The following FMN1 variants were observed in gnomAD, a reference collection of about 807,000 sequenced individuals.
FMN1 encodes formin 1.
A neutral mutation model predicts 132.4 loss-of-function variants in FMN1; 110 were observed. The observed-to-expected ratio is 0.83, with a 90% confidence interval of 0.71 to 0.97. FMN1 has a LOEUF of 0.97. FMN1 is among the 50% of genes least tolerant of loss of function. The probability of loss-of-function intolerance (pLI) is 0.00; values close to 1 mark genes in which losing one functional copy is unlikely to be tolerated. For missense variants in FMN1, 1,792 were observed against 1,705.3 expected (o/e 1.05, Z -0.90); for synonymous variants, 722 against 651.7 (o/e 1.11, Z -1.64).
In FMN1 at chr15:32,790,195, C is replaced by T. The variant is rs555770777; in HGVS notation, c.4130+8609G>A. On this transcript the variant is annotated intron_variant, in intron 19 of 20. Coordinates refer to ENST00000616417, the MANE Select transcript of FMN1 (RefSeq NM_001277313.2). The stretch of plus-strand genomic sequence containing the variant: ...CCAGGAATAACACTGCATGATTCCT[C>T]CAAACGCATGTTCAGTCACCCAGGT... Among the ~76,000 whole-genome samples, 4 of 152,314 alleles carry T rather than the reference C, an allele frequency of 2.6e-5. No individual in the cohort carries two copies. The East Asian group carries it at 5.8e-4, about 22-fold the overall frequency.
At chr15:32,900,187 T>A in intron 13 of FMN1, 62 bp from the exon 14 acceptor site, 1 of 1,564,996 alleles carries the variant, frequency 6.4e-7, no homozygotes, top group Non-Finnish European at 8.8e-7. Flanking sequence ...GTTCATTCAG[T>A]AACAAATATC....
chr15:32,915,471 C>T (rs936738939), intron 10 of FMN1, among the ~76,000 whole-genome samples: 1 of 152,316 alleles, frequency 6.6e-6, no homozygotes, highest in African/African-American at 2.4e-5. Context: ...CTATTTTCGG[C>T]GTCACCCAAG....
At chr15:32,867,813 C>G (rs1186302891) in intron 16 of FMN1, among the ~76,000 whole-genome samples, 1 of 152,172 alleles carries the variant, frequency 6.6e-6, no homozygotes. Context: ...TTTCCACCTT[C>G]CATTCTGTGA....
chr15:32,908,692 TCAA>T, intron 11 of FMN1, 114 bp from the exon 12 acceptor site: 1 of 638,068 alleles, frequency 1.6e-6, no homozygotes, highest in East Asian at 2.8e-5. Flanking sequence ...ACTAGCAGCA[TCAA>T]CAACATCACC....
At chr15:33,141,551 G>A (rs903154551) in intron 4 of FMN1, among the ~76,000 whole-genome samples, 1 of 152,210 alleles carries the variant, frequency 6.6e-6, no homozygotes, top group African/African-American at 2.4e-5. Flanking sequence ...ATGGGAAAGT[G>A]AGGGAAGCAG....
chr15:32,887,011 C>CAT (rs10669956), intron 16 of FMN1, among the ~76,000 whole-genome samples: 12,205 of 152,106 alleles, frequency 0.08, 999 homozygotes, highest in African/African-American at 0.21. Flanking sequence ...AAAAAACCCA[C>CAT]GTTCCTTTAA....
intron 4 of FMN1, among the ~76,000 whole-genome samples, chr15:33,137,976 C>G (rs1963844875): frequency 6.6e-6 from 1 of 152,190 alleles, no homozygotes; most frequent in Non-Finnish European, 1.5e-5. Context: ...CCATTGCTTC[C>G]TCTGTAAGAT....
intron 10 of FMN1, among the ~76,000 whole-genome samples, chr15:32,919,908 A>C (rs919404761): frequency 6.6e-6 from 1 of 152,232 alleles, no homozygotes; most frequent in Non-Finnish European, 1.5e-5. Flanking sequence ...TTAGACTCTG[A>C]GCACATAGCT....
chr15:32,937,626 A>G (rs1474843078), intron 9 of FMN1, among the ~76,000 whole-genome samples: 2 of 152,240 alleles, frequency 1.3e-5, no homozygotes, highest in Non-Finnish European at 2.9e-5. Flanking sequence ...AGAGAAGACA[A>G]AAGTGGCTGG....
intron 19 of FMN1, among the ~76,000 whole-genome samples, chr15:32,785,927 C>T (rs900776173): frequency 4.6e-5 from 7 of 152,084 alleles, no homozygotes; most frequent in African/African-American, 1.7e-4. Context: ...GAGATCTGAC[C>T]AGCTATAATA....
chr15:32,968,595 T>C, intron 8 of FMN1, 119 bp downstream of exon 8: 4 of 1,433,666 alleles, frequency 2.8e-6, no homozygotes, highest in African/African-American at 1.4e-5. Context: ...AAGCATTCAC[T>C]GTATCACACT....
chr15:32,802,342 C>A (rs770014246), intron 18 of FMN1, among the ~76,000 whole-genome samples: 4 of 152,206 alleles, frequency 2.6e-5, no homozygotes, highest in Non-Finnish European at 4.4e-5. Flanking sequence ...CGGAACACAT[C>A]CACTTATTGT....
chr15:33,173,169 A>G (rs544360317), intron 3 of FMN1, among the ~76,000 whole-genome samples: 1 of 152,330 alleles, frequency 6.6e-6, no homozygotes, highest in Non-Finnish European at 1.5e-5. Context: ...TTATAGGTTT[A>G]TTACACAACT....
chr15:32,885,277 G>C (rs1484456055), intron 16 of FMN1, among the ~76,000 whole-genome samples: 1 of 152,170 alleles, frequency 6.6e-6, no homozygotes, highest in African/African-American at 2.4e-5. Context: ...GTGTGGTTTT[G>C]GGAGTGTGTG....
intron 4 of FMN1, among the ~76,000 whole-genome samples, chr15:33,113,930 G>T (rs1487954592): frequency 6.6e-6 from 1 of 152,182 alleles, no homozygotes; most frequent in African/African-American, 2.4e-5. Flanking sequence ...ACCCACAAGT[G>T]TGGGAAACCA....
intron 2 of FMN1, among the ~76,000 whole-genome samples, chr15:33,189,150 C>A (rs915549557): frequency 6.6e-6 from 1 of 152,018 alleles, no homozygotes; most frequent in Non-Finnish European, 1.5e-5. Context: ...TAACACAAGG[C>A]CAGTACCTCC....
chr15:33,056,161 C>A (rs2037207145), intron 6 of FMN1, among the ~76,000 whole-genome samples: 1 of 152,170 alleles, frequency 6.6e-6, no homozygotes, highest in African/African-American at 2.4e-5. Flanking sequence ...GACATAGAAT[C>A]CAGATATGCC....
At chr15:32,965,974 T>C (rs906840754) in intron 8 of FMN1, among the ~76,000 whole-genome samples, 3 of 152,140 alleles carry the variant, frequency 2.0e-5, no homozygotes, top group African/African-American at 7.2e-5. Flanking sequence ...ATCTCTGTGG[T>C]GCTGGGGGAG....
chr15:33,067,769 A>C (rs2037814358), intron 5 of FMN1: 8 of 1,613,810 alleles, frequency 5.0e-6, no homozygotes, highest in Non-Finnish European at 6.8e-6. Flanking sequence ...CGTAAACCCA[A>C]ATAGGGATTT....
Sources: gnomAD v4.1 joint callset for allele counts (sites outside exome capture counted in the v4.1 genomes callset) on GRCh38, gnomAD v4.1.1 for gene constraint, MANE v1.5 for transcripts, NCBI Gene and HGNC (gene_info 2026-07-23, HGNC 2026-07-21) for gene names.